CPLX1: variants seen among roughly 807,000 people sequenced by gnomAD.
The protein encoded by CPLX1 is complexin 1.
CPLX1 carries 6 observed loss-of-function variants against 15.6 expected under a neutral mutation model. The observed-to-expected ratio is 0.39, with a 90% CI of 0.21 to 0.76. The LOEUF (loss-of-function observed/expected upper bound fraction) is 0.76, where lower values mean the gene tolerates loss of function less well. CPLX1 is among the 30% of genes least tolerant of loss of function. The pLI, the probability that CPLX1 is intolerant of heterozygous loss-of-function variation, is 0.43. For missense variants in CPLX1, 242 were observed against 188.6 expected (o/e 1.28, Z -1.66); for synonymous variants, 91 against 75.2 (o/e 1.21, Z -1.08).
At chr4:788,161 C>T (rs1457420918) in intron 3 of CPLX1, 1 of 985,316 alleles carries the variant, frequency 1.0e-6, no homozygotes, top group African/African-American at 1.7e-5. Context: ...GCTCCTGTCT[C>T]AGCAGCCCCT....
Position 792,541 on chromosome 4 carries a change from C to T in CPLX1, c.99G>A (p.Lys33=), listed in dbSNP as rs1746214456. ...GCAGCGCCTCCTGCCGCTCCTCCTC[C>T]TTCTTGGCGGCGTCTGGGTCCTTCT... is the stretch of plus-strand genomic sequence containing the variant. ...DEEKDPDAAK[K]EEERQEALRQ... is the part of the protein sequence containing the mutation. The change falls in exon 3 of 4, where the codon AAG becomes AAA. Residue 33 remains lysine (K), a synonymous_variant. Coordinates refer to ENST00000304062, the MANE Select transcript of CPLX1 (RefSeq NM_006651.4). 2 of 1,613,380 alleles carry T rather than the reference C, an allele frequency of 1.2e-6. No individual in the cohort carries two copies. Among genetic ancestry groups the T allele is most frequent in the Admixed American group, 1.7e-5 (1 of 59,996 alleles).
chr4:825,503 C>A (rs900045448), intron 1 of CPLX1, among the ~76,000 whole-genome samples: 1 of 151,906 alleles, frequency 6.6e-6, no homozygotes, highest in Non-Finnish European at 1.5e-5. Flanking sequence ...GAGGGCACGG[C>A]CGGGCCCCGC....
In CPLX1 at chr4:817,538, T is replaced by C. The variant is rs552786617; in HGVS notation, c.31+6954A>G. On this transcript the variant is annotated intron_variant, in intron 2 of 3. Coordinates refer to ENST00000304062, the MANE Select transcript of CPLX1 (RefSeq NM_006651.4). ...CGCCACTGCACTCCAGCCTGGGCAA[T>C]AGAGCGAGACTCTGTCTCAAAAAGA... is the stretch of plus-strand genomic sequence containing the variant. Among the ~76,000 whole-genome samples, 27 of 151,218 alleles carry C rather than the reference T, an allele frequency of 1.8e-4. 1 individual carries two copies. In the South Asian group the frequency reaches 5.5e-3, roughly 31 times the overall value.
chr4:807,178 T>C (rs1245483475), intron 2 of CPLX1, among the ~76,000 whole-genome samples: 1 of 152,160 alleles, frequency 6.6e-6, no homozygotes, highest in Non-Finnish European at 1.5e-5. Context: ...TTTGCAGGGA[T>C]AGGAATGGGG....
intron 2 of CPLX1, among the ~76,000 whole-genome samples, chr4:807,337 A>C (rs1372838758): frequency 6.6e-6 from 1 of 152,202 alleles, no homozygotes; most frequent in Non-Finnish European, 1.5e-5. Context: ...AGGGGAAGAG[A>C]GAGCATCAAG....
intron 3 of CPLX1, 49 bp downstream of exon 3, chr4:792,384 G>A: frequency 2.8e-6 from 4 of 1,451,978 alleles, no homozygotes; most frequent in Non-Finnish European, 3.6e-6. Flanking sequence ...CTGGGTCCCC[G>A]CTGGACTCAG....
At chr4:797,705 C>G (rs1164154225) in intron 2 of CPLX1, among the ~76,000 whole-genome samples, 2 of 150,012 alleles carry the variant, frequency 1.3e-5, no homozygotes, top group African/African-American at 2.4e-5. Context: ...AGGCCAAGAC[C>G]GGCGGATCAC....
rs1280030104 is a variant in CPLX1, at chr4:786,663, C to G, written c.243G>C (p.Glu81Asp). Residue 81 changes from glutamate (E) to aspartate (D), a missense_variant, in exon 4 of 4, where the codon GAG (glutamate) becomes GAC (aspartate). Coordinates refer to ENST00000304062, the MANE Select transcript of CPLX1 (RefSeq NM_006651.4). ...GIKKKEEREAEAQAAMEANSE... is the reference protein window; with the variant it reads ...GIKKKEEREADAQAAMEANSE... ...AGTTGGCCTCCATGGCGGCCTGGGCCTCGGCCTCGCGCTCCTCCTTCTTCT... is the reference window on the plus strand; with the variant it reads ...AGTTGGCCTCCATGGCGGCCTGGGCGTCGGCCTCGCGCTCCTCCTTCTTCT... The G allele has an allele frequency of 1.2e-6, 2 of 1,610,976 alleles. No homozygotes were observed. Among genetic ancestry groups the G allele is most frequent in the Non-Finnish European group, 1.7e-6 (2 of 1,178,718 alleles).
At chr4:799,190 G>A (rs948276983) in intron 2 of CPLX1, among the ~76,000 whole-genome samples, 2 of 152,224 alleles carry the variant, frequency 1.3e-5, no homozygotes, top group Non-Finnish European at 2.9e-5. Flanking sequence ...CATTTCAGAA[G>A]GGGCCCTGCC....
At chr4:818,648 G>A (rs2152648256) in intron 2 of CPLX1, among the ~76,000 whole-genome samples, 1 of 152,390 alleles carries the variant, frequency 6.6e-6, no homozygotes, top group Admixed American at 6.5e-5. Flanking sequence ...GTGACGGGAA[G>A]AGGCCGAATG....
chr4:825,846 G>A (rs1746973366), intron 1 of CPLX1, among the ~76,000 whole-genome samples, 200 bp downstream of exon 1: 3 of 121,268 alleles, frequency 2.5e-5, no homozygotes, highest in Admixed American at 2.3e-4. Context: ...CGGAGCCGGG[G>A]AGGAGAGACC....
At chr4:791,465 A>G (rs1412698917) in intron 3 of CPLX1, among the ~76,000 whole-genome samples, 1 of 151,828 alleles carries the variant, frequency 6.6e-6, no homozygotes, top group Non-Finnish European at 1.5e-5. Flanking sequence ...CTGCCCTCCC[A>G]GCTCCACCTC....
At chr4:801,813 G>A (rs886149345) in intron 2 of CPLX1, among the ~76,000 whole-genome samples, 8 of 152,208 alleles carry the variant, frequency 5.3e-5, no homozygotes, top group Non-Finnish European at 8.8e-5. Flanking sequence ...GTTGATCGAC[G>A]TGTCAGTCAT....
intron 3 of CPLX1, chr4:788,376 G>A (rs1427066706): frequency 2.0e-5 from 20 of 985,006 alleles, no homozygotes; most frequent in Non-Finnish European, 2.4e-5. Flanking sequence ...AGATGGAAAG[G>A]AGGGCGCCAC....
chr4:790,582 A>G (rs1163230303), intron 3 of CPLX1, among the ~76,000 whole-genome samples: 1 of 151,964 alleles, frequency 6.6e-6, no homozygotes, highest in Non-Finnish European at 1.5e-5. Flanking sequence ...AGCCTGCCCT[A>G]TCCTGCCTCT....
At chr4:789,510 G>C (rs1242239307) in intron 3 of CPLX1, among the ~76,000 whole-genome samples, 4 of 152,360 alleles carry the variant, frequency 2.6e-5, no homozygotes, top group Non-Finnish European at 2.9e-5. Context: ...GGAGCTGCGG[G>C]GGGTAGGGGG....
rs547435215 is a variant in CPLX1 at position 788,073 on chromosome 4, G to A, written c.208-1375C>T. On this transcript the variant is annotated intron_variant, in intron 3 of 3. Transcript: ENST00000304062. ...AGTGGGCACCAGCACTCTACAGGAC[G>A]GAGGAGCACACCGCGGGATCACCAG... The A allele has an allele frequency of 8.1e-5, 80 of 985,418 alleles. No homozygotes were observed. The Admixed American group carries it at 8.6e-4, about 11-fold the overall frequency. 61.0% of individuals were successfully genotyped at this position (985,418 alleles called of 1,614,324 possible).
rs1345276280 is a variant in CPLX1, at chr4:824,580, T to C, written c.-58A>G. 1.9e-6 allele frequency: 3 copies of C among 1,583,866 alleles called. No individual in the cohort carries two copies. Among genetic ancestry groups the C allele is most frequent in the Admixed American group, 1.7e-5 (1 of 59,964 alleles). On this transcript the variant is annotated 5_prime_UTR_variant, in exon 2 of 4. Transcript: ENST00000304062. Reference sequence around the variant, plus strand: ...AGGGGTCAGAACTCACACGCAAGTATGGCCGGGAGCGAGTGTTCTTCCTGG... The same window carrying C: ...AGGGGTCAGAACTCACACGCAAGTACGGCCGGGAGCGAGTGTTCTTCCTGG...
chr4:787,519 G>C, intron 3 of CPLX1: 1 of 643,194 alleles, frequency 1.6e-6, no homozygotes, highest in Non-Finnish European at 1.9e-6. Context: ...CTCAAGTCCA[G>C]TGAGAGTGTC....
Sources: allele counts gnomAD v4.1 joint callset (sites outside exome capture counted in the v4.1 genomes callset), GRCh38; gene constraint gnomAD v4.1.1; transcripts MANE v1.5; gene names NCBI Gene and HGNC (gene_info 2026-07-23, HGNC 2026-07-21).